TMEM40: variants seen among roughly 807,000 people sequenced by gnomAD.
The protein encoded by TMEM40 is transmembrane protein 40.
In TMEM40, 34 loss-of-function variants were observed where a neutral mutation model predicts 40.8. The ratio of observed to expected loss-of-function variants is 0.83; its 90% CI spans 0.63 to 1.11. The LOEUF is 1.11. TMEM40 is among the 50% of genes least tolerant of loss of function. TMEM40 has a pLI of 0.00. For missense variants in TMEM40, 296 were observed against 280.2 expected, an observed-to-expected ratio of 1.06 and a Z score of -0.40; for synonymous variants, 106 against 107.0, an observed-to-expected ratio of 0.99 and a Z score of 0.06.
intron 1 of TMEM40, among the ~76,000 whole-genome samples, chr3:12,768,896 GC>G (rs1559538082): frequency 7.6e-6 from 1 of 132,232 alleles, no homozygotes; most frequent in Non-Finnish European, 1.6e-5. Context: ...GCGGGGCGGG[GC>G]GGGGCAGGGC....
chr3:12,737,099 C>T (rs554965338), intron 8 of TMEM40, among the ~76,000 whole-genome samples: 26 of 151,912 alleles, frequency 1.7e-4, no homozygotes, highest in African/African-American at 5.8e-4. Context: ...AGGCTGGTCT[C>T]GAACTCCTGG....
upstream of TMEM40, among the ~76,000 whole-genome samples, chr3:12,761,789 C>T (rs752617228): frequency 3.3e-5 from 5 of 151,914 alleles, no homozygotes; most frequent in East Asian, 5.8e-4. Flanking sequence ...CAGCCACATG[C>T]GGTTATGGAG....
At chr3:12,742,163 G>C (rs944428125) in intron 5 of TMEM40, among the ~76,000 whole-genome samples, 1 of 152,148 alleles carries the variant, frequency 6.6e-6, no homozygotes, top group African/African-American at 2.4e-5. Flanking sequence ...TGGGGAGGTG[G>C]AAGTTGCAGT....
At chr3:12,762,000 C>G (rs1454874347), upstream of TMEM40, among the ~76,000 whole-genome samples, 1 of 152,068 alleles carries the variant, frequency 6.6e-6, no homozygotes. Context: ...GGATCTTGTT[C>G]TCTTGCCCAG....
At chr3:12,743,800 G>T in intron 4 of TMEM40, 100 bp downstream of exon 4, 1 of 1,150,644 alleles carries the variant, frequency 8.7e-7, no homozygotes, top group Non-Finnish European at 1.3e-6. Context: ...ATTTTATCCT[G>T]CCATAAACAA....
chr3:12,757,771 G>A (rs868162463), intron 1 of TMEM40, among the ~76,000 whole-genome samples: 2 of 152,102 alleles, frequency 1.3e-5, no homozygotes, highest in Admixed American at 6.5e-5. Flanking sequence ...ACCTATATCC[G>A]AACAAAGACT....
chr3:12,738,599 A>G lies in TMEM40; in HGVS notation c.356-11T>C, dbSNP rs1006616944. On this transcript the variant is annotated splice_polypyrimidine_tract_variant and intron_variant, in intron 5 of 11. Coordinates refer to ENST00000314124, the MANE Select transcript of TMEM40 (RefSeq NM_018306.4). Reference sequence around the variant, plus strand: ...CCTCTCCAGGAGCATCTGCACAGAAAGGAAATCAGTGATCATATACCCATG... The same window carrying G: ...CCTCTCCAGGAGCATCTGCACAGAAGGGAAATCAGTGATCATATACCCATG... The G allele has an allele frequency of 3.7e-6, 6 of 1,613,726 alleles. No homozygotes were observed. The highest frequency in any genetic ancestry group is 5.1e-6 in the Non-Finnish European group (6 of 1,179,850).
intron 1 of TMEM40, among the ~76,000 whole-genome samples, chr3:12,767,708 C>T (rs1002439745): frequency 5.9e-5 from 9 of 152,014 alleles, no homozygotes; most frequent in African/African-American, 1.7e-4. Context: ...TCCAAGGGGA[C>T]GGGAAAACAG....
intron 1 of TMEM40, among the ~76,000 whole-genome samples, chr3:12,751,380 C>T (rs542092648): frequency 1.3e-5 from 2 of 151,336 alleles, no homozygotes; most frequent in African/African-American, 4.9e-5. Context: ...CTCCCGGATT[C>T]AAGTGATTCT....
At chr3:12,738,667 C>A in intron 5 of TMEM40, 79 bp from the exon 6 acceptor site, 1 of 1,491,874 alleles carries the variant, frequency 6.7e-7, no homozygotes, top group East Asian at 2.3e-5. Context: ...GAAGGTGGAT[C>A]CTGCTCGGAG....
At chr3:12,761,079 C>T (rs2061565769), upstream of TMEM40, among the ~76,000 whole-genome samples, 2 of 152,312 alleles carry the variant, frequency 1.3e-5, no homozygotes, top group African/African-American at 4.8e-5. Context: ...GAAAGGTTAG[C>T]CCAAGAAGTG....
chr3:12,734,637 G>T lies in TMEM40; in HGVS notation c.*137C>A. Reference sequence around the variant, plus strand: ...CTGGTGCCAACATTCAGACCACATGGAAGGAAAAGTGTTCTGTTTATTGGT... The same window carrying T: ...CTGGTGCCAACATTCAGACCACATGTAAGGAAAAGTGTTCTGTTTATTGGT... On this transcript the variant is annotated 3_prime_UTR_variant, in exon 12 of 12. Coordinates refer to ENST00000314124, the MANE Select transcript of TMEM40 (RefSeq NM_018306.4). 9.7e-7 allele frequency: 1 copy of T among 1,030,822 alleles called. No homozygotes were observed. Among genetic ancestry groups the T allele is most frequent in the Non-Finnish European group, 1.4e-6 (1 of 700,060 alleles). The allele number at this position is 1,030,822 out of a possible 1,614,324, so 63.9% of individuals were successfully genotyped here.
chr3:12,737,814 C>G, intron 7 of TMEM40, 60 bp from the exon 8 acceptor site: 1 of 1,514,638 alleles, frequency 6.6e-7, no homozygotes, highest in Non-Finnish European at 9.2e-7. Flanking sequence ...GTGGGATTTT[C>G]TTTTCCCTGC....
At chr3:12,736,690 G>A (rs2061340280) in intron 9 of TMEM40, 38 bp from the exon 10 acceptor site, 3 of 1,613,356 alleles carry the variant, frequency 1.9e-6, no homozygotes, top group Non-Finnish European at 2.5e-6. Context: ...TCAGCCTCCA[G>A]GTCTTGACGC....
At chr3:12,742,379 C>G (rs762396624) in intron 5 of TMEM40, 75 bp downstream of exon 5, 6 of 1,548,054 alleles carry the variant, frequency 3.9e-6, no homozygotes, top group Non-Finnish European at 5.3e-6. Flanking sequence ...ACCCTCATGA[C>G]CTTGTTTCTG....
intron 3 of TMEM40, among the ~76,000 whole-genome samples, chr3:12,746,933 A>C (rs974320315): frequency 2.0e-5 from 3 of 152,132 alleles, no homozygotes; most frequent in African/African-American, 7.2e-5. Flanking sequence ...AGGAGAGGCA[A>C]CAAACAGCCC....
upstream of TMEM40, chr3:12,759,569 A>C (rs1575747315): frequency 6.6e-6 from 1 of 152,056 alleles, no homozygotes; most frequent in African/African-American, 2.4e-5. Context: ...TGTCCCAGGT[A>C]CCCCCTCCAC....
intron 1 of TMEM40, among the ~76,000 whole-genome samples, chr3:12,754,537 T>C (rs2061504096): frequency 6.6e-6 from 1 of 152,212 alleles, no homozygotes; most frequent in Non-Finnish European, 1.5e-5. Flanking sequence ...AACAAGGTGA[T>C]ATAGCTACAG....
chr3:12,758,793 C>T (rs2061548925), intron 1 of TMEM40, among the ~76,000 whole-genome samples: 1 of 152,202 alleles, frequency 6.6e-6, no homozygotes, highest in South Asian at 2.1e-4. Context: ...CCCTCCCCTC[C>T]TAAGCTGTTA....
Sources: gnomAD v4.1 joint callset for allele counts (sites outside exome capture counted in the v4.1 genomes callset) on GRCh38, gnomAD v4.1.1 for gene constraint, MANE v1.5 for transcripts, NCBI Gene and HGNC (gene_info 2026-07-23, HGNC 2026-07-21) for gene names.